MAP3K13: variants seen among roughly 807,000 people sequenced by gnomAD.
The protein encoded by MAP3K13 is mitogen-activated protein kinase kinase kinase 13, also known as leucine zipper-bearing kinase.
In MAP3K13, 52 loss-of-function variants were observed where a neutral mutation model predicts 104.0. That is an observed-to-expected ratio of 0.50 (90% CI 0.40 to 0.63). MAP3K13 has a LOEUF of 0.63. Ranked by LOEUF, MAP3K13 falls within the 20% of genes least tolerant of loss-of-function variation. The pLI is 0.00. For synonymous variants in MAP3K13, 394 were observed against 442.2 expected (o/e 0.89, Z 1.37); for missense variants, 914 against 1,218.5 (o/e 0.75, Z 3.72).
chr3:185,320,969 A>T (rs141408725), intron 2 of MAP3K13, among the ~76,000 whole-genome samples: 1 of 152,326 alleles, frequency 6.6e-6, no homozygotes, highest in Admixed American at 6.5e-5. Context: ...ATAGTATGTG[A>T]CAGTAGTGCA....
intron 2 of MAP3K13, among the ~76,000 whole-genome samples, chr3:185,290,764 T>C (rs1307891126): frequency 6.6e-6 from 1 of 152,192 alleles, no homozygotes; most frequent in Admixed American, 6.5e-5. Flanking sequence ...CTACATAAAG[T>C]GTCTAGAGCA....
chr3:185,483,719 T>TTTTTTTTTGGTTTGTTGGTTTGG lies in MAP3K13; in HGVS notation c.*1271_*1272insGGTTTGTTGGTTTGGTTTTTTTT, dbSNP rs1432637266. 5.8e-6 allele frequency: 1 copy of TTTTTTTTTGGTTTGTTGGTTTGG among 171,522 alleles called. No individual in the cohort carries two copies. The highest frequency in any genetic ancestry group is 1.2e-5 in the Non-Finnish European group (1 of 82,342). 10.6% of individuals were successfully genotyped at this position (171,522 alleles called of 1,614,324 possible). A position where few individuals can be genotyped will look rare whatever the true frequency, so the allele number is the denominator to read the frequency against. On this transcript the variant is annotated 3_prime_UTR_variant, in exon 14 of 14. Transcript: ENST00000265026. Reference sequence around the variant, plus strand: ...ATTCTATCTTAGAAGTTCTTTTTTTTTTTTTTTTTTTTGACAGAGTTTTGC... The same window carrying TTTTTTTTTGGTTTGTTGGTTTGG: ...ATTCTATCTTAGAAGTTCTTTTTTTTTTTTTTTTGGTTTGTTGGTTTGGTTTTTTTTTTTTGACAGAGTTTTGC...
Position 185,482,612 on chromosome 3 carries a change from A to G in MAP3K13, c.*156A>G. On this transcript the variant is annotated 3_prime_UTR_variant, in exon 14 of 14. Coordinates refer to ENST00000265026, the MANE Select transcript of MAP3K13 (RefSeq NM_004721.5). This position sits in a 1 kb window ranked among gnomAD's most constrained non-coding sequence, Gnocchi z 4.5. ...AGAAATGAGCTGCAATAACAGGAAC[A>G]TGAGACTTCGCAAATCTCTGGAAAA... 1 of 556,466 alleles carries G rather than the reference A, an allele frequency of 1.8e-6. No individual in the cohort carries two copies. The highest frequency in any genetic ancestry group is 3.2e-6 in the Non-Finnish European group (1 of 313,462). 34.5% of individuals were successfully genotyped at this position (556,466 alleles called of 1,614,324 possible).
chr3:185,475,735 C>T (rs1366641871), intron 11 of MAP3K13, among the ~76,000 whole-genome samples: 1 of 152,096 alleles, frequency 6.6e-6, no homozygotes, highest in Non-Finnish European at 1.5e-5. Context: ...CCTGTAATCC[C>T]AGGTACTCGG....
intron 2 of MAP3K13, among the ~76,000 whole-genome samples, chr3:185,340,384 A>G (rs1471720039): frequency 6.6e-6 from 1 of 152,172 alleles, no homozygotes; most frequent in Non-Finnish European, 1.5e-5. Context: ...TGGGAGAAGG[A>G]GCAGTTGCAT....
intron 7 of MAP3K13, among the ~76,000 whole-genome samples, chr3:185,463,108 C>G (rs1717206971): frequency 6.6e-6 from 1 of 152,164 alleles, no homozygotes; most frequent in African/African-American, 2.4e-5. Flanking sequence ...GATACTTTCC[C>G]AAACAAAGCC....
intron 2 of MAP3K13, among the ~76,000 whole-genome samples, chr3:185,290,194 A>G (rs1720681884): frequency 6.6e-6 from 1 of 152,188 alleles, no homozygotes; most frequent in African/African-American, 2.4e-5. Context: ...TTCAATATAT[A>G]TAATGCCAAT....
intron 2 of MAP3K13, among the ~76,000 whole-genome samples, chr3:185,357,480 A>AAG (rs1723418538): frequency 1.3e-5 from 2 of 151,674 alleles, no homozygotes; most frequent in South Asian, 4.1e-4. Flanking sequence ...AAAAAAGAAA[A>AAG]AGAAAGAAAG....
Position 185,484,125 on chromosome 3 carries a change from G to A in MAP3K13, c.*1669G>A, listed in dbSNP as rs1404357636. On this transcript the variant is annotated 3_prime_UTR_variant, in exon 14 of 14. Transcript: ENST00000265026. ...ATAGCATTTTTGTTCAATGCTACTT[G>A]TAAAATATCTTTTACTTCACTCCAA... 6.6e-6 allele frequency: 1 copy of A among 152,170 alleles called. No individual in the cohort carries two copies. The highest frequency in any genetic ancestry group is 1.5e-5 in the Non-Finnish European group (1 of 68,022). The allele number at this position is 152,170 out of a possible 1,614,324, so 9.4% of individuals were successfully genotyped here.
At chr3:185,400,004 C>T (rs189566173) in intron 1 of MAP3K13, among the ~76,000 whole-genome samples, 88 of 152,266 alleles carry the variant, frequency 5.8e-4, no homozygotes, top group African/African-American at 2.0e-3. Flanking sequence ...TCCATTCTCC[C>T]TAGAGCTCTT....
At chr3:185,336,994 C>T (rs1157575283) in intron 2 of MAP3K13, among the ~76,000 whole-genome samples, 2 of 151,956 alleles carry the variant, frequency 1.3e-5, no homozygotes, top group Admixed American at 6.6e-5. Context: ...GAACAACAAA[C>T]GTGATTATAA....
chr3:185,321,522 T>C (rs1721867935), intron 2 of MAP3K13, among the ~76,000 whole-genome samples: 1 of 152,234 alleles, frequency 6.6e-6, no homozygotes, highest in African/African-American at 2.4e-5. Flanking sequence ...TTTTCTCCTT[T>C]GAATACAAAG....
At chr3:185,408,123 A>G (rs1220646314) in intron 1 of MAP3K13, among the ~76,000 whole-genome samples, 3 of 152,072 alleles carry the variant, frequency 2.0e-5, no homozygotes, top group African/African-American at 7.2e-5. Context: ...ATTTAACTAG[A>G]AATCTTGTTT....
At chr3:185,336,717 T>C (rs1056528971) in intron 2 of MAP3K13, among the ~76,000 whole-genome samples, 2 of 151,346 alleles carry the variant, frequency 1.3e-5, no homozygotes, top group East Asian at 3.9e-4. Context: ...TATACATGAC[T>C]GGAAGTTAAA....
chr3:185,481,535 C>A (rs1252687098), intron 13 of MAP3K13, among the ~76,000 whole-genome samples: 1 of 152,038 alleles, frequency 6.6e-6, no homozygotes, highest in African/African-American at 2.4e-5. Context: ...CACTCCATAC[C>A]CTGACTCTTC....
intron 7 of MAP3K13, among the ~76,000 whole-genome samples, chr3:185,456,109 C>G (rs1716728550): frequency 6.6e-6 from 1 of 151,124 alleles, no homozygotes; most frequent in Non-Finnish European, 1.5e-5. Context: ...GCCTGTCACA[C>G]AGATATTGAG....
chr3:185,428,392 G>T (rs981086259), intron 1 of MAP3K13, 105 bp from the exon 2 acceptor site: 1 of 663,340 alleles, frequency 1.5e-6, no homozygotes, highest in East Asian at 3.0e-5. Flanking sequence ...TAACCCACAG[G>T]TTAACCAATC....
chr3:185,287,607 TC>T (rs1720571378), intron 2 of MAP3K13, among the ~76,000 whole-genome samples: 1 of 152,068 alleles, frequency 6.6e-6, no homozygotes, highest in Admixed American at 6.6e-5. Flanking sequence ...TAAATAATAA[TC>T]TTTATTTTTT....
intron 1 of MAP3K13, among the ~76,000 whole-genome samples, chr3:185,386,951 T>C (rs1278958468): frequency 6.6e-6 from 1 of 152,186 alleles, no homozygotes; most frequent in Admixed American, 6.5e-5. Flanking sequence ...AGCTAGTGGA[T>C]GCTGGGCTTA....
Sources: gnomAD v4.1 joint callset for allele counts (sites outside exome capture counted in the v4.1 genomes callset) on GRCh38, gnomAD v4.1.1 for gene constraint, Gnocchi (gnomAD v3.1) non-coding constraint, MANE v1.5 for transcripts, NCBI Gene and HGNC (gene_info 2026-07-23, HGNC 2026-07-21) for gene names.